CSMD1: variants seen among roughly 807,000 people sequenced by gnomAD.
The protein encoded by CSMD1 is CUB and sushi domain-containing protein 1.
Under a neutral mutation model 417.5 loss-of-function variants are expected in CSMD1, and 213 were observed. The ratio of observed to expected loss-of-function variants is 0.51; its 90% CI spans 0.46 to 0.57. CSMD1 has a LOEUF of 0.57. Among genes scored for constraint, CSMD1 ranks in the 20% least tolerant of loss-of-function variants. CSMD1 has a pLI of 0.00. For missense variants in CSMD1, 6,923 were observed against 4,529.7 expected, an observed-to-expected ratio of 1.53 and a Z score of -15.17; for synonymous variants, 2,862 against 1,736.8, an observed-to-expected ratio of 1.65 and a Z score of -16.11.
chr8:4,446,532 A>G (rs955391618), intron 2 of CSMD1, among the ~76,000 whole-genome samples: 3 of 152,076 alleles, frequency 2.0e-5, no homozygotes, highest in African/African-American at 7.2e-5. Context: ...GGGCAGCAGA[A>G]TGAGACCCCG....
intron 1 of CSMD1, among the ~76,000 whole-genome samples, chr8:4,893,879 A>G (rs551188362): frequency 1.3e-5 from 2 of 152,236 alleles, no homozygotes; most frequent in African/African-American, 4.8e-5. Flanking sequence ...CAAAAACAGA[A>G]AAAAATCTAT....
At chr8:3,131,162 G>A (rs1022803001) in intron 41 of CSMD1, among the ~76,000 whole-genome samples, 1 of 152,060 alleles carries the variant, frequency 6.6e-6, no homozygotes, top group Non-Finnish European at 1.5e-5. Flanking sequence ...ACAAAAGTGC[G>A]ATAAAGCAAA....
At chr8:4,585,030 A>C (rs953585280) in intron 2 of CSMD1, among the ~76,000 whole-genome samples, 2 of 152,036 alleles carry the variant, frequency 1.3e-5, no homozygotes, top group Non-Finnish European at 2.9e-5. Flanking sequence ...TTTTTCATAC[A>C]AAAGATTCTA....
chr8:3,313,687 T>G lies in CSMD1; in HGVS notation c.3632-5184A>C, dbSNP rs565097626. Reference sequence around the variant, plus strand: ...ACTGTTGGTGGGACTGTAAACGAGTTCAACCATTGTGGAAGTCAGTGTGGC... The same window carrying G: ...ACTGTTGGTGGGACTGTAAACGAGTGCAACCATTGTGGAAGTCAGTGTGGC... On this transcript the variant is annotated intron_variant, in intron 23 of 69. Coordinates refer to ENST00000635120, the MANE Select transcript of CSMD1 (RefSeq NM_033225.6). Among the ~76,000 whole-genome samples the G allele has an allele frequency of 2.0e-5, 3 of 152,178 alleles. No individual in the cohort carries two copies. The East Asian group carries it at 5.8e-4, about 29-fold the overall frequency.
intron 41 of CSMD1, among the ~76,000 whole-genome samples, chr8:3,141,343 C>G (rs555798412): frequency 6.6e-6 from 1 of 152,166 alleles, no homozygotes; most frequent in African/African-American, 2.4e-5. Flanking sequence ...TTTAAGCTGT[C>G]CTTGTTCATT....
At chr8:4,060,292 C>T (rs567976927) in intron 3 of CSMD1, among the ~76,000 whole-genome samples, 1 of 152,116 alleles carries the variant, frequency 6.6e-6, no homozygotes, top group Non-Finnish European at 1.5e-5. Flanking sequence ...TGGGACGTAT[C>T]TCAGAATAAT....
intron 11 of CSMD1, among the ~76,000 whole-genome samples, chr8:3,483,501 A>T (rs1184932538): frequency 6.6e-6 from 1 of 152,096 alleles, no homozygotes; most frequent in East Asian, 1.9e-4. Flanking sequence ...CACCAAAAAT[A>T]AAATCCTCAG....
intron 1 of CSMD1, among the ~76,000 whole-genome samples, chr8:4,704,997 G>T (rs987618260): frequency 6.6e-6 from 1 of 152,142 alleles, no homozygotes; most frequent in South Asian, 2.1e-4. Flanking sequence ...ACGTGTTGAG[G>T]AAGCGTCCTG....
intron 1 of CSMD1, among the ~76,000 whole-genome samples, chr8:4,932,577 T>C (rs533807356): frequency 1.3e-5 from 2 of 152,204 alleles, no homozygotes; most frequent in Non-Finnish European, 1.5e-5. Context: ...GTCTTAGAAA[T>C]ATGATACTGC....
intron 23 of CSMD1, among the ~76,000 whole-genome samples, chr8:3,311,934 A>C (rs570531054): frequency 1.3e-5 from 2 of 152,344 alleles, no homozygotes; most frequent in Admixed American, 1.3e-4. Context: ...ATATGCCTCT[A>C]TGTTCAGAAA....
chr8:4,082,050 C>A (rs958313987), intron 3 of CSMD1, among the ~76,000 whole-genome samples: 2 of 151,888 alleles, frequency 1.3e-5, no homozygotes, highest in Admixed American at 1.3e-4. Flanking sequence ...AAGCCAAAGG[C>A]ATTTTAGGGG....
chr8:4,758,685 T>C (rs976615983), intron 1 of CSMD1, among the ~76,000 whole-genome samples: 2 of 152,160 alleles, frequency 1.3e-5, no homozygotes, highest in Non-Finnish European at 2.9e-5. Context: ...AGTGGACACA[T>C]CTTACATGGC....
chr8:3,407,859 A>G, intron 14 of CSMD1, 40 bp downstream of exon 14: 2 of 1,519,462 alleles, frequency 1.3e-6, no homozygotes, highest in Non-Finnish European at 1.8e-6. Flanking sequence ...ATGTAAGTAA[A>G]ATGAGAACTT....
intron 6 of CSMD1, among the ~76,000 whole-genome samples, chr8:3,734,371 G>A (rs928028921): frequency 6.6e-6 from 1 of 152,192 alleles, no homozygotes; most frequent in Non-Finnish European, 1.5e-5. Flanking sequence ...GTAGAAAAAT[G>A]GATTTGCTTC....
chr8:3,627,928 C>T (rs1417543603), intron 7 of CSMD1, among the ~76,000 whole-genome samples: 2 of 151,958 alleles, frequency 1.3e-5, no homozygotes, highest in African/African-American at 2.4e-5. Flanking sequence ...ATTCAGATAC[C>T]ACAAGTTGAA....
intron 3 of CSMD1, among the ~76,000 whole-genome samples, chr8:4,080,023 A>G (rs1434543954): frequency 6.6e-6 from 1 of 150,662 alleles, no homozygotes; most frequent in Non-Finnish European, 1.5e-5. Flanking sequence ...TTTTCTAGAT[A>G]TCAAAAGGGT....
chr8:4,004,560 T>C lies in CSMD1; in HGVS notation c.611-6450A>G, dbSNP rs1164018848. ...AAGTAGTATTTTTAGCAACCTAATT[T>C]GGTATTATAAACAAAACATATTTAT... On this transcript the variant is annotated intron_variant, in intron 4 of 69. Transcript: ENST00000635120. 5.3e-5 allele frequency among the ~76,000 whole-genome samples: 8 copies of C among 152,188 alleles called. No individual in the cohort carries two copies. The East Asian group carries it at 1.5e-3, about 29-fold the overall frequency.
chr8:4,862,208 G>C (rs941404467), intron 1 of CSMD1, among the ~76,000 whole-genome samples: 2 of 152,096 alleles, frequency 1.3e-5, no homozygotes, highest in Admixed American at 1.3e-4. Flanking sequence ...ACGAGGCCTG[G>C]GGGGCTTGAA....
intron 5 of CSMD1, among the ~76,000 whole-genome samples, chr8:3,907,033 G>A (rs1428824587): frequency 6.6e-6 from 1 of 152,138 alleles, no homozygotes; most frequent in Non-Finnish European, 1.5e-5. Flanking sequence ...TGAGAAAAAT[G>A]GCTGGGAGAG....
Sources: allele counts gnomAD v4.1 joint callset (sites outside exome capture counted in the v4.1 genomes callset), GRCh38; gene constraint gnomAD v4.1.1; transcripts MANE v1.5; gene names NCBI Gene and HGNC (gene_info 2026-07-23, HGNC 2026-07-21).